Variants in QTGAL observed in about 807,000 individuals in gnomAD.
QTGAL encodes BGnT-like protein 1.
the QTGAL span, among the ~76,000 whole-genome samples, chr17:83,013,237 A>C: frequency 6.6e-6 from 1 of 151,114 alleles, no homozygotes; most frequent in African/African-American, 2.4e-5. Flanking sequence ...ACACACCCCC[A>C]AAGGAGGCAA....
the QTGAL span, chr17:83,005,620 C>T: frequency 7.1e-6 from 5 of 702,772 alleles, no homozygotes; most frequent in African/African-American, 1.7e-5. The surrounding 1 kb of genome is among the most constrained non-coding windows in gnomAD (Gnocchi z 5.6). Flanking sequence ...CGCTGCCTGT[C>T]CGCAGGCCGC....
chr17:83,048,561 C>A, the QTGAL span: 1 of 1,613,854 alleles, frequency 6.2e-7, no homozygotes, highest in African/African-American at 1.3e-5. Flanking sequence ...ATGATAGCCC[C>A]AGACTTGTCC....
the QTGAL span, among the ~76,000 whole-genome samples, chr17:83,051,530 C>T: frequency 6.6e-6 from 1 of 152,204 alleles, no homozygotes; most frequent in African/African-American, 2.4e-5. Context: ...CGGCCGCGCC[C>T]CGCGGGCTCC....
At chr17:82,963,053 G>A in the QTGAL span, among the ~76,000 whole-genome samples, 1 of 152,168 alleles carries the variant, frequency 6.6e-6, no homozygotes, top group Non-Finnish European at 1.5e-5. Context: ...AGAGGGGGAG[G>A]GGTCACAACC....
At chr17:82,978,418 C>T in the QTGAL span, 2 of 152,192 alleles carry the variant, frequency 1.3e-5, no homozygotes, top group African/African-American at 4.8e-5. This position sits in a 1 kb window ranked among gnomAD's most constrained non-coding sequence, Gnocchi z 4.8. Context: ...AGTTCAAAAT[C>T]CTTTCTGTGA....
chr17:82,957,764 G>A, the QTGAL span, among the ~76,000 whole-genome samples: 1 of 152,186 alleles, frequency 6.6e-6, no homozygotes, highest in African/African-American at 2.4e-5. Context: ...GAAGGTTCTG[G>A]AAGGCAGAAT....
At chr17:82,945,133 T>G in the QTGAL span, 1 of 152,014 alleles carries the variant, frequency 6.6e-6, no homozygotes, top group Non-Finnish European at 1.5e-5. Context: ...AAGAAGAGAT[T>G]AGAAAAAAAC....
chr17:83,044,879 G>T, the QTGAL span, among the ~76,000 whole-genome samples: 14 of 151,828 alleles, frequency 9.2e-5, no homozygotes, highest in African/African-American at 3.1e-4. Flanking sequence ...CCAGGTGGCG[G>T]AGCTTGCAGT....
the QTGAL span, among the ~76,000 whole-genome samples, chr17:82,972,737 AC>A: frequency 8.2e-6 from 1 of 121,770 alleles, no homozygotes; most frequent in Non-Finnish European, 1.6e-5. Flanking sequence ...ACACCACACC[AC>A]AGGGGATAGA....
chr17:82,942,362 A>C, the QTGAL span: 1 of 1,591,042 alleles, frequency 6.3e-7, no homozygotes, highest in Non-Finnish European at 8.6e-7. Context: ...CAGTCCCCAC[A>C]CAGGGCCCAG....
chr17:82,963,178 TG>T, the QTGAL span, among the ~76,000 whole-genome samples: 1 of 152,102 alleles, frequency 6.6e-6, no homozygotes, highest in African/African-American at 2.4e-5. Flanking sequence ...CAGAACTGCC[TG>T]GAGGAGAAAA....
the QTGAL span, chr17:83,005,136 C>G: frequency 6.2e-7 from 1 of 1,608,798 alleles, no homozygotes; most frequent in African/African-American, 1.3e-5. This position sits in a 1 kb window ranked among gnomAD's most constrained non-coding sequence, Gnocchi z 5.6. Flanking sequence ...GCTGCTCCGG[C>G]GTCAGCTGGT....
chr17:82,983,571 ATTCCTGCCGACCTGTGGCAGGTGCCG>A, the QTGAL span, among the ~76,000 whole-genome samples: 3 of 152,160 alleles, frequency 2.0e-5, no homozygotes, highest in African/African-American at 7.2e-5. Flanking sequence ...CTCACTTCTC[ATTCCTGCCGACCTGTGGCAGGTGCCG>A]TTCAGATGCT....
At chr17:83,014,507 T>A in the QTGAL span, 1 of 1,614,140 alleles carries the variant, frequency 6.2e-7, no homozygotes, top group Non-Finnish European at 8.5e-7. Flanking sequence ...CGCTGGGGCA[T>A]CATGACGTCA....
At chr17:82,971,515 G>A in the QTGAL span, among the ~76,000 whole-genome samples, 67 of 152,280 alleles carry the variant, frequency 4.4e-4, no homozygotes, top group South Asian at 2.5e-3. Context: ...AAACCAAGGC[G>A]AGGACCAGCA....
the QTGAL span, among the ~76,000 whole-genome samples, chr17:82,953,107 G>A: frequency 6.6e-6 from 1 of 152,006 alleles, no homozygotes; most frequent in South Asian, 2.1e-4. Context: ...ATCTAAAATC[G>A]ACACCCTGAC....
chr17:82,956,818 C>A, the QTGAL span: 1 of 1,546,744 alleles, frequency 6.5e-7, no homozygotes. The surrounding 1 kb of genome is among the most constrained non-coding windows in gnomAD (Gnocchi z 5.7). Context: ...GAGCTTGTCC[C>A]CGGAGAGACG....
the QTGAL span, among the ~76,000 whole-genome samples, chr17:82,991,197 C>G: frequency 6.6e-6 from 1 of 152,164 alleles, no homozygotes; most frequent in Non-Finnish European, 1.5e-5. Context: ...GATACAACAT[C>G]AAAACCACAT....
At chr17:83,045,105 T>A in the QTGAL span, among the ~76,000 whole-genome samples, 1 of 152,196 alleles carries the variant, frequency 6.6e-6, no homozygotes, top group Admixed American at 6.5e-5. Flanking sequence ...GGATACAAGG[T>A]CAACACTAAG....
Sources: gnomAD v4.1 joint callset for allele counts (sites outside exome capture counted in the v4.1 genomes callset) on GRCh38, gnomAD v4.1.1 for gene constraint, Gnocchi (gnomAD v3.1) non-coding constraint, MANE v1.5 for transcripts, NCBI Gene and HGNC (gene_info 2026-07-23, HGNC 2026-07-21) for gene names.